TMEM163: variants seen among roughly 807,000 people sequenced by gnomAD.
TMEM163 encodes the protein transmembrane protein 163.
In TMEM163, 17 loss-of-function variants were observed where a neutral mutation model predicts 29.3. That is an observed-to-expected ratio of 0.58 (90% CI 0.40 to 0.87). TMEM163 has a LOEUF of 0.87. Ranked by LOEUF, TMEM163 falls within the 40% of genes least tolerant of loss-of-function variation. The pLI is 0.00. For synonymous variants in TMEM163, 157 were observed against 160.6 expected (o/e 0.98, Z 0.17); for missense variants, 303 against 381.5 (o/e 0.79, Z 1.71).
At chr2:134,707,354 T>C (rs1372209373) in intron 2 of TMEM163, among the ~76,000 whole-genome samples, 1 of 152,078 alleles carries the variant, frequency 6.6e-6, no homozygotes, top group African/African-American at 2.4e-5. Context: ...GCACAGAAAA[T>C]GTCCTGAAGA....
chr2:134,483,905 A>C (rs974430298), intron 5 of TMEM163, among the ~76,000 whole-genome samples: 1 of 152,230 alleles, frequency 6.6e-6, no homozygotes, highest in Non-Finnish European at 1.5e-5. Context: ...GCACTTTGGG[A>C]GGCCAAGGTG....
chr2:134,674,488 C>CGCGT (rs1222285906), intron 2 of TMEM163, among the ~76,000 whole-genome samples: 1 of 59,090 alleles, frequency 1.7e-5, no homozygotes, highest in African/African-American at 1.1e-4. Context: ...GGACTACAGG[C>CGCGT]GCGCGCGCGC....
In TMEM163 at chr2:134,552,012, G is replaced by A. The variant is rs193128423; in HGVS notation, c.366+36C>T. 18 of 1,603,950 alleles carry A rather than the reference G, an allele frequency of 1.1e-5. No individual in the cohort carries two copies. In the Admixed American group the frequency reaches 2.2e-4, roughly 19 times the overall value. On this transcript the variant is annotated intron_variant, in intron 3 of 7. Transcript: ENST00000281924. ...GGTTTATGGGCTTATGAAAAAACGTGCAAAACTTGATGAAAGTACATTTCA... is the reference window on the plus strand; with the variant it reads ...GGTTTATGGGCTTATGAAAAAACGTACAAAACTTGATGAAAGTACATTTCA...
intron 5 of TMEM163, among the ~76,000 whole-genome samples, chr2:134,499,154 A>G (rs1236956712): frequency 6.6e-6 from 1 of 152,052 alleles, no homozygotes; most frequent in Non-Finnish European, 1.5e-5. Context: ...ATAAAGATAT[A>G]CCATTTTTAC....
At chr2:134,575,855 G>A (rs1012720738) in intron 2 of TMEM163, among the ~76,000 whole-genome samples, 5 of 152,160 alleles carry the variant, frequency 3.3e-5, no homozygotes, top group African/African-American at 9.6e-5. Flanking sequence ...GGCATGTCTC[G>A]GGGAGGCAGG....
chr2:134,543,900 GAA>G (rs1300783354), intron 4 of TMEM163, among the ~76,000 whole-genome samples: 1 of 152,184 alleles, frequency 6.6e-6, no homozygotes, highest in Admixed American at 6.5e-5. Flanking sequence ...CTGCTGAGCA[GAA>G]CACCATTGGG....
chr2:134,691,744 G>A (rs1034168114), intron 2 of TMEM163, among the ~76,000 whole-genome samples: 1 of 152,082 alleles, frequency 6.6e-6, no homozygotes, highest in Non-Finnish European at 1.5e-5. Context: ...GAGTCACAAA[G>A]TGACATCCTA....
chr2:134,512,465 A>G (rs1679972074), intron 4 of TMEM163, among the ~76,000 whole-genome samples: 1 of 152,186 alleles, frequency 6.6e-6, no homozygotes, highest in Non-Finnish European at 1.5e-5. Flanking sequence ...TCTCAAAAAA[A>G]TACATATTCC....
intron 2 of TMEM163, among the ~76,000 whole-genome samples, chr2:134,594,734 C>T (rs957528013): frequency 6.6e-6 from 1 of 152,290 alleles, no homozygotes; most frequent in East Asian, 1.9e-4. Context: ...TCATCAAACA[C>T]GCAAATCTGC....
At chr2:134,577,533 C>A (rs750509199) in intron 2 of TMEM163, among the ~76,000 whole-genome samples, 1 of 152,168 alleles carries the variant, frequency 6.6e-6, no homozygotes, top group Admixed American at 6.5e-5. Flanking sequence ...CTGCACGAGG[C>A]GCTGACTGAG....
intron 2 of TMEM163, among the ~76,000 whole-genome samples, chr2:134,638,754 G>T (rs753469337): frequency 6.6e-6 from 1 of 152,164 alleles, no homozygotes; most frequent in Admixed American, 6.5e-5. Context: ...CTCCTACAGC[G>T]TTTCCAAGCC....
chr2:134,456,776 T>C lies in TMEM163; in HGVS notation c.810A>G (p.Lys270=). 1 of 1,613,250 alleles carries C rather than the reference T, an allele frequency of 6.2e-7. No individual in the cohort carries two copies. Among genetic ancestry groups the C allele is most frequent in the South Asian group, 1.1e-5 (1 of 90,850 alleles). Reference sequence around the variant, plus strand: ...CCCTCGGCACCATGTCGATGAGGAGTCTGCAAAGACGAAGACAGACAAGGT... The same window carrying C: ...CCCTCGGCACCATGTCGATGAGGAGCCTGCAAAGACGAAGACAGACAAGGT... ...IGLTIFAYGV[K]LLIDMVPRVR... Residue 270 remains lysine, a splice_region_variant and synonymous_variant, in exon 8 of 8, where the codon AAA becomes AAG. Transcript: ENST00000281924.
At chr2:134,718,305 G>C (rs1040859266) in intron 1 of TMEM163, among the ~76,000 whole-genome samples, 1 of 152,244 alleles carries the variant, frequency 6.6e-6, no homozygotes, top group Non-Finnish European at 1.5e-5. Flanking sequence ...AGTTCTCCCA[G>C]GCAGCCGGCG....
chr2:134,520,410 G>T (rs566426724), intron 4 of TMEM163, among the ~76,000 whole-genome samples: 19 of 152,316 alleles, frequency 1.2e-4, no homozygotes, highest in African/African-American at 4.1e-4. Context: ...CCTGTGTCTG[G>T]CTACTTACAG....
intron 2 of TMEM163, among the ~76,000 whole-genome samples, chr2:134,689,098 GT>G (rs1212173811): frequency 2.7e-5 from 4 of 146,408 alleles, no homozygotes; most frequent in African/African-American, 1.0e-4. Context: ...GAGTGCCTAA[GT>G]TTTTTGTTTT....
At chr2:134,485,592 C>G (rs938793463) in intron 5 of TMEM163, among the ~76,000 whole-genome samples, 9 of 152,126 alleles carry the variant, frequency 5.9e-5, no homozygotes, top group Admixed American at 3.3e-4. Context: ...CTTCTTCCTC[C>G]GGGAAACCTC....
At chr2:134,703,395 T>C (rs1189158013) in intron 2 of TMEM163, among the ~76,000 whole-genome samples, 2 of 151,876 alleles carry the variant, frequency 1.3e-5, no homozygotes, top group Non-Finnish European at 2.9e-5. Context: ...AAATGCTGAA[T>C]GAAAGTTAAT....
intron 5 of TMEM163, chr2:134,469,667 G>C (rs1261383786): frequency 1.3e-5 from 2 of 152,448 alleles, no homozygotes; most frequent in African/African-American, 4.8e-5. Context: ...GCCCAGGGGA[G>C]AGAGGGGCCG....
At chr2:134,554,124 C>A (rs1375547649) in intron 2 of TMEM163, among the ~76,000 whole-genome samples, 1 of 151,986 alleles carries the variant, frequency 6.6e-6, no homozygotes, top group Non-Finnish European at 1.5e-5. Context: ...TGCTCCAGAT[C>A]TACAACAGAT....
Sources: gnomAD v4.1 joint callset for allele counts (sites outside exome capture counted in the v4.1 genomes callset) on GRCh38, gnomAD v4.1.1 for gene constraint, MANE v1.5 for transcripts, NCBI Gene and HGNC (gene_info 2026-07-23, HGNC 2026-07-21) for gene names.